The following DCAF8L2 variants were observed in gnomAD, a reference collection of about 807,000 sequenced individuals.
DCAF8L2 encodes the protein DDB1- and CUL4-associated factor 8-like protein 2.
For synonymous variants in DCAF8L2, 200 were observed against 190.9 expected, an observed-to-expected ratio of 1.05 and a Z score of -0.39; for missense variants, 430 against 490.7, an observed-to-expected ratio of 0.88 and a Z score of 1.17.
intron 2 of DCAF8L2, among the ~76,000 whole-genome samples, chrX:27,668,140 A>G (rs188080569): frequency 9.0e-6 from 1 of 111,674 alleles, no homozygotes; most frequent in Non-Finnish European, 1.9e-5. Context: ...AAATCACAAG[A>G]TTGCTGGGCA....
chrX:27,698,855 G>A (rs1040148524), intron 3 of DCAF8L2, among the ~76,000 whole-genome samples: 1 of 111,574 alleles, frequency 9.0e-6, no homozygotes, highest in African/African-American at 3.3e-5. Context: ...CTACTGTGGG[G>A]CAGACACTGT....
At chrX:27,672,831 G>A (rs1338591198) in intron 2 of DCAF8L2, among the ~76,000 whole-genome samples, 7 of 111,831 alleles carry the variant, frequency 6.3e-5, no homozygotes, top group African/African-American at 2.0e-4. Context: ...GCCTTTTCTC[G>A]TGTCAAATTT....
rs149188252 is a variant in DCAF8L2, at chrX:27,661,130, G to A, written c.-219-16706G>A. 7.4e-3 allele frequency among the ~76,000 whole-genome samples: 824 copies of A among 111,806 alleles called. 7 individuals carry two copies. Among genetic ancestry groups the A allele is most frequent in the African/African-American group, 0.025 (757 of 30,726 alleles). ...CTGTCTGGGATAATGCAGTCATGTG[G>A]ACTCCAGGCAGCTCTCTGTAATAGG... On this transcript the variant is annotated intron_variant, in intron 2 of 4. Coordinates refer to ENST00000451261, the MANE Select transcript of DCAF8L2 (RefSeq NM_001353450.2).
At chrX:27,476,386 C>T in the DCAF8L2 span, among the ~76,000 whole-genome samples, 1 of 111,401 alleles carries the variant, frequency 9.0e-6, no homozygotes, top group Admixed American at 9.6e-5. Context: ...TTTTAATTAA[C>T]GGAACTTCCT....
At chrX:27,600,939 T>A (rs1489426410) in intron 1 of DCAF8L2, among the ~76,000 whole-genome samples, 1 of 98,237 alleles carries the variant, frequency 1.0e-5, no homozygotes, top group Non-Finnish European at 2.1e-5. Flanking sequence ...GTGCTCTGGA[T>A]TTTTTTTTTT....
At chrX:27,658,730 G>A (rs1207548319) in intron 2 of DCAF8L2, among the ~76,000 whole-genome samples, 1 of 111,926 alleles carries the variant, frequency 8.9e-6, no homozygotes. Context: ...TTACACCACT[G>A]TATTCAAACA....
chrX:27,604,476 C>A (rs6628286), intron 1 of DCAF8L2, among the ~76,000 whole-genome samples: 17,677 of 110,674 alleles, frequency 0.16, 1,148 homozygotes, highest in East Asian at 0.4. Flanking sequence ...ATGAAGGATG[C>A]AGACCACACA....
At chrX:27,506,265 TAC>T in the DCAF8L2 span, among the ~76,000 whole-genome samples, 1 of 111,988 alleles carries the variant, frequency 8.9e-6, no homozygotes, top group African/African-American at 3.2e-5. Context: ...TTAAGATATT[TAC>T]AGAGTGCAAA....
rs1010599345 is a variant in DCAF8L2, at chrX:27,663,994, G to A, written c.-219-13842G>A. Among the ~76,000 whole-genome samples, 5 of 107,577 alleles carry A rather than the reference G, an allele frequency of 4.6e-5. 1 individual carries two copies. Among genetic ancestry groups the A allele is most frequent in the Non-Finnish European group, 9.6e-5 (5 of 52,219 alleles). The allele number at this position is 107,577 out of a possible 115,157, so 93.4% of individuals were successfully genotyped here. ...CAAAGTGCTGGGATTACAGGAGTCA[G>A]CCACCATGCCTGGGTGAAATTAGGC... On this transcript the variant is annotated intron_variant, in intron 2 of 4. Transcript: ENST00000451261.
intron 4 of DCAF8L2, among the ~76,000 whole-genome samples, chrX:27,728,029 T>C (rs768348330): frequency 9.0e-6 from 1 of 111,582 alleles, no homozygotes; most frequent in Non-Finnish European, 1.9e-5. Flanking sequence ...CATGGGGTAA[T>C]ATCCTGAGAA....
At chrX:27,612,342 T>A (rs1197994480) in intron 1 of DCAF8L2, among the ~76,000 whole-genome samples, 11 of 112,158 alleles carry the variant, frequency 9.8e-5, no homozygotes, top group African/African-American at 1.3e-4. Context: ...ATTCTGGATA[T>A]TAGCCCTTTG....
At chrX:27,517,005 T>C in the DCAF8L2 span, among the ~76,000 whole-genome samples, 2 of 111,657 alleles carry the variant, frequency 1.8e-5, no homozygotes, top group Admixed American at 9.6e-5. Flanking sequence ...ACTACTGCTG[T>C]CCAAACCTCT....
chrX:27,652,684 C>T (rs1161769480), intron 2 of DCAF8L2, among the ~76,000 whole-genome samples: 1 of 111,881 alleles, frequency 8.9e-6, no homozygotes, highest in Non-Finnish European at 1.9e-5. Flanking sequence ...TCAATGAAAA[C>T]CCACTTCTGA....
At chrX:27,533,532 C>T in the DCAF8L2 span, among the ~76,000 whole-genome samples, 3 of 111,829 alleles carry the variant, frequency 2.7e-5, no homozygotes, top group South Asian at 1.1e-3. Context: ...AAGCCAGATG[C>T]ATATCACTTT....
the DCAF8L2 span, among the ~76,000 whole-genome samples, chrX:27,573,204 GTTAAA>G: frequency 0.02 from 2,204 of 107,927 alleles, 48 homozygotes; most frequent in African/African-American, 0.068. Context: ...TTCTTAAGGT[GTTAAA>G]ATAAAAGAAC....
chrX:27,525,949 G>A, the DCAF8L2 span, among the ~76,000 whole-genome samples: 3 of 111,792 alleles, frequency 2.7e-5, no homozygotes, highest in African/African-American at 6.5e-5. Context: ...CTCGCTGACT[G>A]CTCTTAACAT....
chrX:27,547,187 T>A, the DCAF8L2 span, among the ~76,000 whole-genome samples: 1 of 112,121 alleles, frequency 8.9e-6, no homozygotes, highest in Non-Finnish European at 1.9e-5. Flanking sequence ...CAGTTCCCAA[T>A]GAGTTCCTCA....
the DCAF8L2 span, among the ~76,000 whole-genome samples, chrX:27,581,374 T>C: frequency 8.9e-6 from 1 of 112,015 alleles, no homozygotes; most frequent in Non-Finnish European, 1.9e-5. Context: ...ATATCTCTGT[T>C]TCCATGTGTT....
At chrX:27,486,282 AG>A in the DCAF8L2 span, among the ~76,000 whole-genome samples, 19 of 110,675 alleles carry the variant, frequency 1.7e-4, no homozygotes, top group African/African-American at 6.2e-4. Context: ...CTAGGATTAC[AG>A]GCATGAGCCA....
Sources: allele counts gnomAD v4.1 joint callset (sites outside exome capture counted in the v4.1 genomes callset), GRCh38; gene constraint gnomAD v4.1.1; transcripts MANE v1.5; gene names NCBI Gene and HGNC (gene_info 2026-07-23, HGNC 2026-07-21).